Variants in TEX14 observed in about 807,000 individuals in gnomAD.
TEX14 encodes the protein testis expressed 14, intercellular bridge forming factor.
A neutral mutation model predicts 178.6 loss-of-function variants in TEX14; 168 were observed. The observed-to-expected ratio is 0.94, with a 90% CI of 0.83 to 1.07. TEX14 has a LOEUF of 1.07. Among genes scored for constraint, TEX14 ranks in the 50% least tolerant of loss-of-function variants. TEX14 has a pLI of 0.00. For missense variants in TEX14, 1,730 were observed against 1,753.6 expected, an observed-to-expected ratio of 0.99 and a Z score of 0.24; for synonymous variants, 626 against 634.1, an observed-to-expected ratio of 0.99 and a Z score of 0.19.
At position 58,622,837 on chromosome 17, in the gene TEX14, C is replaced by A. The variant is rs750915434; in HGVS notation, c.417+10G>T. 28 of 1,600,208 alleles carry A rather than the reference C, an allele frequency of 1.7e-5. No individual in the cohort carries two copies. Among genetic ancestry groups the A allele is most frequent in the Admixed American group, 1.2e-4 (7 of 59,718 alleles). ...AGTGGGCATGGCTACAGAGTGGGAC[C>A]CACCCTTACCTGGGTGCTACGCTCC... On this transcript the variant is annotated intron_variant, in intron 4 of 31. Coordinates refer to ENST00000349033, the MANE Select transcript of TEX14 (RefSeq NM_031272.5).
At chr17:58,670,634 G>A (rs1273436905) in intron 1 of TEX14, among the ~76,000 whole-genome samples, 1 of 151,618 alleles carries the variant, frequency 6.6e-6, no homozygotes, top group Non-Finnish European at 1.5e-5. Flanking sequence ...TTAGCTGGGT[G>A]TGGTGGCAGG....
chr17:58,557,824 G>C lies in TEX14; in HGVS notation c.4294C>G (p.Arg1432Gly), dbSNP rs369187009. ...CTGGATGATTCGGACCAACCTAGTCGCTTCCAAAAACAGGATTTTAGTTCA... is the reference window on the plus strand; with the variant it reads ...CTGGATGATTCGGACCAACCTAGTCCCTTCCAAAAACAGGATTTTAGTTCA... ...EDELKSCFWK[R>G]LGWSESSRII... The change falls in exon 31 of 32, where the codon CGA becomes GGA. Residue 1432 changes from arginine (R) to glycine (G), a missense_variant. Around this residue, in one of 2 missense-constraint regions of TEX14, gnomAD observed 941 missense variants for 1,072.4 expected, o/e 0.88. Transcript: ENST00000349033. 17 of 1,611,398 alleles carry C rather than the reference G, an allele frequency of 1.1e-5. No individual in the cohort carries two copies. Among genetic ancestry groups the C allele is most frequent in the African/African-American group, 4.0e-5 (3 of 74,786 alleles).
intron 3 of TEX14, among the ~76,000 whole-genome samples, chr17:58,629,846 A>AT (rs1355527137): frequency 2.2e-4 from 31 of 144,086 alleles, no homozygotes; most frequent in East Asian, 4.1e-4. Flanking sequence ...AAAAAAAAAA[A>AT]AAATAAATAA....
At position 58,585,750 on chromosome 17, in the gene TEX14, G is replaced by A. The variant is rs370651842; in HGVS notation, c.3070+51C>T. ...AATTACAGGCTGAGCCACCTCGCCC[G>A]ACTGATACTTGATTGAGTTCACCTA... On this transcript the variant is annotated intron_variant, in intron 18 of 31. Transcript: ENST00000349033. 6.1e-5 allele frequency: 94 copies of A among 1,533,078 alleles called. 1 individual carries two copies. The African/African-American group carries it at 7.2e-4, about 12-fold the overall frequency. 95.0% of individuals were successfully genotyped at this position (1,533,078 alleles called of 1,614,324 possible). A position where few individuals can be genotyped will look rare whatever the true frequency, so the allele number is the denominator to read the frequency against.
intron 2 of TEX14, among the ~76,000 whole-genome samples, chr17:58,646,422 C>T (rs1308684656): frequency 6.6e-6 from 1 of 152,200 alleles, no homozygotes; most frequent in East Asian, 1.9e-4. Context: ...TTCCCGTCAA[C>T]TCATGTCAAC....
chr17:58,575,263 C>T (rs556042686), intron 21 of TEX14, among the ~76,000 whole-genome samples: 11 of 152,084 alleles, frequency 7.2e-5, no homozygotes, highest in South Asian at 6.2e-4. Flanking sequence ...TACAGGCATG[C>T]GCCACCACGC....
intron 1 of TEX14, chr17:58,675,565 A>T (rs1461705090): frequency 6.6e-6 from 1 of 152,168 alleles, no homozygotes; most frequent in Non-Finnish European, 1.5e-5. Flanking sequence ...TCTTTCTAAA[A>T]ATCAAACTAT....
At chr17:58,626,977 A>G (rs935700879) in intron 3 of TEX14, among the ~76,000 whole-genome samples, 2 of 152,214 alleles carry the variant, frequency 1.3e-5, no homozygotes, top group Non-Finnish European at 2.9e-5. Flanking sequence ...GCCAATCATC[A>G]GATATTTTTT....
At chr17:58,659,072 G>A (rs199890493) in intron 1 of TEX14, among the ~76,000 whole-genome samples, 2 of 112,820 alleles carry the variant, frequency 1.8e-5, no homozygotes, top group African/African-American at 4.7e-5. Flanking sequence ...AAAACCAAAC[G>A]CGCGCCACTA....
rs950906176 is a variant in TEX14, at chr17:58,656,219, G to A, written c.-1-4217C>T. On this transcript the variant is annotated intron_variant, in intron 1 of 31. Coordinates refer to ENST00000349033, the MANE Select transcript of TEX14 (RefSeq NM_031272.5). ...AACGCTTTGGGAGGCCAAGGCGGGT[G>A]GATCACATGAGGTCAGGAGTTCAAG... 3.3e-5 allele frequency among the ~76,000 whole-genome samples: 5 copies of A among 152,214 alleles called. No individual in the cohort carries two copies. In the South Asian group the frequency reaches 6.2e-4, roughly 19 times the overall value.
rs776202283 is a variant in TEX14, at chr17:58,574,190, T to C, written c.3380A>G (p.Asp1127Gly). The change falls in exon 22 of 32, where the codon GAC (aspartate) becomes GGC (glycine). Residue 1127 changes from aspartate to glycine, a missense_variant. Around this residue, in one of 2 missense-constraint regions of TEX14, gnomAD observed 941 missense variants for 1,072.4 expected, o/e 0.88. Transcript: ENST00000349033. ...GCATTCTCTTTGGTGATCATACATG[T>C]CTTTCTCTTTCAGTTCCTTTGGTGA... The part of the protein sequence containing the change: ...KESPKELKEK[D>G]ISLTDIQDLS... 6.2e-7 allele frequency: 1 copy of C among 1,612,550 alleles called. No homozygotes were observed. Among genetic ancestry groups the C allele is most frequent in the Admixed American group, 1.7e-5 (1 of 60,016 alleles).
chr17:58,615,426 G>T, intron 7 of TEX14, 81 bp from the exon 8 acceptor site: 1 of 898,976 alleles, frequency 1.1e-6, no homozygotes, highest in Non-Finnish European at 1.8e-6. Context: ...CCTAAGCAAG[G>T]ACCAGAGAAA....
chr17:58,643,665 T>C (rs1470032833), intron 2 of TEX14, among the ~76,000 whole-genome samples: 2 of 148,814 alleles, frequency 1.3e-5, no homozygotes, highest in African/African-American at 2.5e-5. Context: ...AGGTCAGGAG[T>C]TTGAGACCAG....
intron 2 of TEX14, among the ~76,000 whole-genome samples, chr17:58,637,636 C>T (rs2046465907): frequency 6.6e-6 from 1 of 152,202 alleles, no homozygotes; most frequent in Admixed American, 6.5e-5. Flanking sequence ...GGCATGGAAT[C>T]ACCAAGCTTT....
chr17:58,637,882 G>A lies in TEX14; in HGVS notation c.137-7328C>T, dbSNP rs539834534. 1.1e-4 allele frequency among the ~76,000 whole-genome samples: 16 copies of A among 143,512 alleles called. No individual in the cohort carries two copies. In the East Asian group the frequency reaches 3.3e-3, roughly 30 times the overall value. The allele number at this position is 143,512 out of a possible 152,430, so 94.1% of individuals were successfully genotyped here. On this transcript the variant is annotated intron_variant, in intron 2 of 31. Coordinates refer to ENST00000349033, the MANE Select transcript of TEX14 (RefSeq NM_031272.5). ...TTTTTTTTTTTTTTTTTCCTTTTGAGATGGAGTCTTGCTCTGTCACCCAGG... is the reference window on the plus strand; with the variant it reads ...TTTTTTTTTTTTTTTTTCCTTTTGAAATGGAGTCTTGCTCTGTCACCCAGG...
rs565720238 is a variant in TEX14 at position 58,592,728 on chromosome 17, G to A, written c.2576+827C>T. 4.6e-5 allele frequency among the ~76,000 whole-genome samples: 7 copies of A among 152,052 alleles called. 1 individual carries two copies. In the South Asian group the frequency reaches 1.2e-3, roughly 27 times the overall value. ...TAATTTATGTATTTTTAGTAGAGAC[G>A]GGGTTTCACCATGTTGGCCAGGCTG... On this transcript the variant is annotated intron_variant, in intron 15 of 31. Transcript: ENST00000349033.
At chr17:58,563,656 T>TAGAG (rs2044327521) in intron 28 of TEX14, among the ~76,000 whole-genome samples, 2 of 18,752 alleles carry the variant, frequency 1.1e-4, no homozygotes, top group Non-Finnish European at 1.7e-4. Context: ...TATATATATA[T>TAGAG]ATAGAGAGAG....
intron 28 of TEX14, among the ~76,000 whole-genome samples, chr17:58,564,586 G>C (rs1190660068): frequency 8.5e-5 from 13 of 152,280 alleles, no homozygotes; most frequent in Non-Finnish European, 1.5e-5. Context: ...TGGGACATTA[G>C]TTGCACAACA....
intron 26 of TEX14, chr17:58,567,629 AAAC>A (rs2044429870): frequency 1.3e-5 from 2 of 152,320 alleles, no homozygotes; most frequent in South Asian, 4.1e-4. Context: ...TCTTTAAGGG[AAAC>A]AACAGAGTGA....
Sources: allele counts gnomAD v4.1 joint callset (sites outside exome capture counted in the v4.1 genomes callset), GRCh38; gene constraint gnomAD v4.1.1; regional missense constraint gnomAD v4.1.1; transcripts MANE v1.5; gene names NCBI Gene and HGNC (gene_info 2026-07-23, HGNC 2026-07-21).